The following HCN1 variants were observed in gnomAD, a reference collection of about 807,000 sequenced individuals.
HCN1 encodes the protein hyperpolarization activated cyclic nucleotide gated potassium channel 1, also known as potassium/sodium hyperpolarization-activated cyclic nucleotide-gated channel 1.
A neutral mutation model predicts 78.9 loss-of-function variants in HCN1; 13 were observed. The observed-to-expected ratio is 0.16, with a 90% CI of 0.11 to 0.26. The LOEUF is 0.26. Among genes scored for constraint, HCN1 ranks in the 10% least tolerant of loss-of-function variants. HCN1 has a pLI of 1.00. For synonymous variants in HCN1, 552 were observed against 455.5 expected (o/e 1.21, Z -2.70); for missense variants, 810 against 1,154.3 (o/e 0.70, Z 4.32).
At chr5:45,608,359 G>A (rs1224349602) in intron 2 of HCN1, among the ~76,000 whole-genome samples, 2 of 134,036 alleles carry the variant, frequency 1.5e-5, no homozygotes, top group Non-Finnish European at 3.2e-5. Context: ...ATGGGTGTAT[G>A]TGTGTGTGTG....
At chr5:45,316,865 A>C (rs901251368) in intron 5 of HCN1, among the ~76,000 whole-genome samples, 1 of 152,198 alleles carries the variant, frequency 6.6e-6, no homozygotes, top group African/African-American at 2.4e-5. Context: ...AAGGGCTGTG[A>C]AGGACCTCTT....
chr5:45,405,787 G>A (rs2112050438), intron 3 of HCN1, among the ~76,000 whole-genome samples: 1 of 152,186 alleles, frequency 6.6e-6, no homozygotes, highest in East Asian at 1.9e-4. Context: ...TTATAAGAGG[G>A]TTTAAACAGT....
intron 6 of HCN1, among the ~76,000 whole-genome samples, chr5:45,299,312 T>A (rs1272572781): frequency 2.0e-5 from 3 of 152,036 alleles, no homozygotes; most frequent in Admixed American, 6.6e-5. Context: ...ATCTGTATGA[T>A]CTTTGCAATA....
intron 2 of HCN1, among the ~76,000 whole-genome samples, chr5:45,487,840 A>T (rs914952731): frequency 3.3e-5 from 5 of 152,096 alleles, no homozygotes; most frequent in Admixed American, 6.6e-5. Flanking sequence ...GAATTAAGTA[A>T]ATGTGTAGCC....
At chr5:45,264,345 G>A (rs1744811618) in intron 7 of HCN1, among the ~76,000 whole-genome samples, 1 of 152,144 alleles carries the variant, frequency 6.6e-6, no homozygotes, top group Non-Finnish European at 1.5e-5. Context: ...AATGAATAGT[G>A]GATTGGTGAA....
intron 4 of HCN1, among the ~76,000 whole-genome samples, chr5:45,376,088 TTA>T (rs1747647187): frequency 9.0e-6 from 1 of 111,138 alleles, no homozygotes; most frequent in Non-Finnish European, 1.6e-5. Context: ...ATATATTATA[TTA>T]TATATAATAT....
intron 3 of HCN1, among the ~76,000 whole-genome samples, chr5:45,432,023 G>T (rs1740473495): frequency 1.3e-5 from 2 of 152,080 alleles, no homozygotes; most frequent in South Asian, 4.1e-4. Flanking sequence ...ATTGTTTTAG[G>T]CAGCATGACC....
chr5:45,409,059 T>C (rs1403087839), intron 3 of HCN1, among the ~76,000 whole-genome samples: 1 of 152,120 alleles, frequency 6.6e-6, no homozygotes, highest in Non-Finnish European at 1.5e-5. Context: ...ATTTTATTTC[T>C]AGATAATTTG....
intron 5 of HCN1, among the ~76,000 whole-genome samples, chr5:45,347,202 G>A (rs1365739253): frequency 6.6e-6 from 1 of 152,170 alleles, no homozygotes; most frequent in Non-Finnish European, 1.5e-5. Flanking sequence ...CAGAATTTGT[G>A]GTTCACGAAA....
At chr5:45,670,165 G>A (rs1746122470) in intron 1 of HCN1, among the ~76,000 whole-genome samples, 1 of 151,574 alleles carries the variant, frequency 6.6e-6, no homozygotes, top group Admixed American at 6.6e-5. Context: ...TAGATGTAAT[G>A]TATCTGCCAC....
At chr5:45,645,115 G>T in intron 2 of HCN1, 70 bp downstream of exon 2, 3 of 1,166,470 alleles carry the variant, frequency 2.6e-6, no homozygotes, top group Admixed American at 1.8e-5. Flanking sequence ...TTGCACAGTT[G>T]TTCATTGTAA....
At chr5:45,298,953 T>A (rs2111897296) in intron 6 of HCN1, among the ~76,000 whole-genome samples, 1 of 152,138 alleles carries the variant, frequency 6.6e-6, no homozygotes, top group South Asian at 2.1e-4. Flanking sequence ...GTACTTTAAG[T>A]CTCGTTTTTC....
intron 6 of HCN1, among the ~76,000 whole-genome samples, chr5:45,296,277 A>T (rs1353703969): frequency 6.6e-6 from 1 of 152,048 alleles, no homozygotes; most frequent in Non-Finnish European, 1.5e-5. Flanking sequence ...AATGAGAATC[A>T]TACAAGGTAA....
chr5:45,349,927 C>T (rs1245785338), intron 5 of HCN1, among the ~76,000 whole-genome samples: 3 of 152,240 alleles, frequency 2.0e-5, no homozygotes, highest in East Asian at 1.9e-4. Context: ...GGATTCACAG[C>T]CGAATTCCAC....
chr5:45,423,273 C>T (rs181578389), intron 3 of HCN1, among the ~76,000 whole-genome samples: 8 of 152,104 alleles, frequency 5.3e-5, no homozygotes, highest in Admixed American at 5.2e-4. Context: ...ACATGAAGCT[C>T]AAGAAGCAGA....
At chr5:45,313,614 C>T (rs1006472301) in intron 5 of HCN1, among the ~76,000 whole-genome samples, 5 of 152,056 alleles carry the variant, frequency 3.3e-5, no homozygotes, top group Non-Finnish European at 4.4e-5. Context: ...AGCTAAAAAC[C>T]TTGAAGAAAT....
At chr5:45,515,333 A>G (rs1026538805) in intron 2 of HCN1, among the ~76,000 whole-genome samples, 22 of 152,006 alleles carry the variant, frequency 1.4e-4, no homozygotes, top group African/African-American at 5.3e-4. Context: ...GAAACCTAAA[A>G]AACTTAGCGT....
chr5:45,613,889 T>C (rs1186027708), intron 2 of HCN1, among the ~76,000 whole-genome samples: 1 of 152,190 alleles, frequency 6.6e-6, no homozygotes, highest in African/African-American at 2.4e-5. Context: ...CAATTATGAT[T>C]CAGGGTATTG....
At chr5:45,659,734 C>T (rs1472600020) in intron 1 of HCN1, among the ~76,000 whole-genome samples, 3 of 115,392 alleles carry the variant, frequency 2.6e-5, no homozygotes, top group African/African-American at 7.7e-5. Flanking sequence ...TGAAATGAAG[C>T]GAGAAGGGAA....
Sources: gnomAD v4.1 joint callset for allele counts (sites outside exome capture counted in the v4.1 genomes callset) on GRCh38, gnomAD v4.1.1 for gene constraint, MANE v1.5 for transcripts, NCBI Gene and HGNC (gene_info 2026-07-23, HGNC 2026-07-21) for gene names.